GLIS3: variants seen among roughly 807,000 people sequenced by gnomAD.
GLIS3 encodes the protein zinc finger protein GLIS3.
GLIS3 carries 53 observed loss-of-function variants against 78.6 expected under a neutral mutation model. The observed-to-expected ratio is 0.67, with a 90% CI of 0.54 to 0.85. The LOEUF (loss-of-function observed/expected upper bound fraction) is 0.85. Among genes scored for constraint, GLIS3 ranks in the 40% least tolerant of loss-of-function variants. The pLI is 0.00. For missense variants in GLIS3, 1,703 were observed against 1,231.1 expected (o/e 1.38, Z -5.74); for synonymous variants, 684 against 509.9 (o/e 1.34, Z -4.60).
At chr9:4,048,768 G>T (rs1162511003) in intron 4 of GLIS3, among the ~76,000 whole-genome samples, 1 of 152,108 alleles carries the variant, frequency 6.6e-6, no homozygotes, top group Admixed American at 6.5e-5. Flanking sequence ...CCACCCATCA[G>T]GTGACTAGGC....
At chr9:4,307,907 C>T (rs10974447) in intron 4 of GLIS3, among the ~76,000 whole-genome samples, 6,283 of 152,212 alleles carry the variant, frequency 0.041, 441 homozygotes, top group African/African-American at 0.14. Context: ...TTCTATCCTA[C>T]AAAACTGTAA....
intron 7 of GLIS3, among the ~76,000 whole-genome samples, chr9:3,883,367 TG>T (rs1821864641): frequency 6.6e-6 from 1 of 152,244 alleles, no homozygotes; most frequent in Admixed American, 6.5e-5. Flanking sequence ...GTTTTAAGTC[TG>T]AATATCTGCC....
At chr9:3,928,155 C>T (rs1395845996) in intron 6 of GLIS3, among the ~76,000 whole-genome samples, 4 of 152,208 alleles carry the variant, frequency 2.6e-5, no homozygotes, top group African/African-American at 7.2e-5. Context: ...CTCTCCGTCA[C>T]GTGCATTCTA....
chr9:3,850,301 C>T (rs756654679), intron 9 of GLIS3, among the ~76,000 whole-genome samples: 9 of 152,170 alleles, frequency 5.9e-5, no homozygotes, highest in Non-Finnish European at 1.0e-4. Flanking sequence ...TGGATGTGCA[C>T]CTCTGGGAGG....
At chr9:4,085,559 C>T (rs1387772087) in intron 4 of GLIS3, among the ~76,000 whole-genome samples, 5 of 152,106 alleles carry the variant, frequency 3.3e-5, no homozygotes, top group African/African-American at 1.2e-4. Context: ...TTCTGAGAAC[C>T]ATCAAAATTA....
rs141007202 is a variant in GLIS3 at position 3,951,755 on chromosome 9, C to T, written c.1711-14566G>A. Among the ~76,000 whole-genome samples the T allele has an allele frequency of 9.4e-4, 142 of 150,738 alleles. 2 individuals are homozygous for T. The East Asian group carries it at 0.022, about 23-fold the overall frequency. On this transcript the variant is annotated intron_variant, in intron 4 of 10. Transcript: ENST00000381971. ...TGGTATAATTAGCAGTTTAGAAATGCAAATCAAATTCAAACTTGAAATGAC... is the reference window on the plus strand; with the variant it reads ...TGGTATAATTAGCAGTTTAGAAATGTAAATCAAATTCAAACTTGAAATGAC...
chr9:4,295,668 T>C (rs1271141393), intron 1 of GLIS3, among the ~76,000 whole-genome samples: 1 of 152,226 alleles, frequency 6.6e-6, no homozygotes, highest in East Asian at 1.9e-4. Context: ...GGTGTGTTGA[T>C]AATGCTCTGT....
the GLIS3 span, among the ~76,000 whole-genome samples, chr9:4,369,901 A>G: frequency 0.011 from 1,742 of 152,298 alleles, 34 homozygotes; most frequent in African/African-American, 0.039. Flanking sequence ...AAGGAATTCA[A>G]GAGAATCAGG....
chr9:4,435,512 G>T, the GLIS3 span, among the ~76,000 whole-genome samples: 1 of 152,118 alleles, frequency 6.6e-6, no homozygotes, highest in African/African-American at 2.4e-5. Context: ...TCATCAAAAG[G>T]CATCATTTTA....
At chr9:4,432,703 C>A in the GLIS3 span, among the ~76,000 whole-genome samples, 5 of 144,250 alleles carry the variant, frequency 3.5e-5, no homozygotes, top group Non-Finnish European at 7.5e-5. Context: ...TGCAGTGGCA[C>A]AATCTTGGCT....
chr9:4,037,462 CAT>C (rs1280357688), intron 4 of GLIS3, among the ~76,000 whole-genome samples: 10 of 152,152 alleles, frequency 6.6e-5, no homozygotes, highest in Non-Finnish European at 1.0e-4. Context: ...ATGTTATACA[CAT>C]GTTTTATAAA....
the GLIS3 span, among the ~76,000 whole-genome samples, chr9:4,369,869 G>T: frequency 6.6e-6 from 1 of 152,160 alleles, no homozygotes; most frequent in Non-Finnish European, 1.5e-5. Context: ...ATTGCAGGAC[G>T]TGGTGAATGG....
At chr9:4,101,573 A>G (rs957320182) in intron 4 of GLIS3, among the ~76,000 whole-genome samples, 1 of 152,222 alleles carries the variant, frequency 6.6e-6, no homozygotes, top group African/African-American at 2.4e-5. Flanking sequence ...AAACAATCTT[A>G]TAATTTAGAA....
At chr9:4,357,057 A>G in the GLIS3 span, among the ~76,000 whole-genome samples, 3 of 152,244 alleles carry the variant, frequency 2.0e-5, no homozygotes, top group African/African-American at 7.2e-5. Flanking sequence ...GTTTACTTAT[A>G]CAAACAGAAC....
Position 3,946,377 on chromosome 9 carries a change from T to C in GLIS3, c.1711-9188A>G, listed in dbSNP as rs1407032312. ...AATGAACTCCTTGTAAGAATGCATA[T>C]TGATTGCCTAGACTTCCTTGTGTAG... On this transcript the variant is annotated intron_variant, in intron 4 of 10. Transcript: ENST00000381971. 3.9e-5 allele frequency among the ~76,000 whole-genome samples: 6 copies of C among 152,220 alleles called. 1 individual carries two copies. Among genetic ancestry groups the C allele is most frequent in the Admixed American group, 1.3e-4 (2 of 15,278 alleles).
chr9:4,250,141 G>A (rs551814833), intron 2 of GLIS3, among the ~76,000 whole-genome samples: 1 of 152,318 alleles, frequency 6.6e-6, no homozygotes, highest in African/African-American at 2.4e-5. Flanking sequence ...CATAAAATGA[G>A]TTAGGGAGGA....
intron 2 of GLIS3, 155 bp downstream of exon 2, chr9:4,285,883 T>A (rs1827943346): frequency 1.1e-6 from 1 of 888,350 alleles, no homozygotes; most frequent in Non-Finnish European, 1.8e-6. Flanking sequence ...ACACACCCAT[T>A]CCCTTACTGA....
chr9:4,351,704 G>A (rs1182060739), upstream of GLIS3, among the ~76,000 whole-genome samples: 1 of 152,010 alleles, frequency 6.6e-6, no homozygotes, highest in Admixed American at 6.6e-5. Context: ...CTTGAACTAG[G>A]GAGCACAAAT....
At chr9:4,251,069 G>A (rs1297333390) in intron 2 of GLIS3, among the ~76,000 whole-genome samples, 2 of 152,170 alleles carry the variant, frequency 1.3e-5, no homozygotes, top group African/African-American at 4.8e-5. Flanking sequence ...GTGCTGAGAA[G>A]AATGCTTATT....
Sources: allele counts gnomAD v4.1 joint callset (sites outside exome capture counted in the v4.1 genomes callset), GRCh38; gene constraint gnomAD v4.1.1; transcripts MANE v1.5; gene names NCBI Gene and HGNC (gene_info 2026-07-23, HGNC 2026-07-21).